The following LRRC37B variants were observed in gnomAD, a reference collection of about 807,000 sequenced individuals.
LRRC37B encodes the protein leucine rich repeat containing 37B.
Under a neutral mutation model 98.3 loss-of-function variants are expected in LRRC37B, and 28 were observed. That is an observed-to-expected ratio of 0.28 (90% CI 0.21 to 0.39). The LOEUF (loss-of-function observed/expected upper bound fraction) is 0.39. LRRC37B is among the 10% of genes least tolerant of loss of function. The pLI, the probability that LRRC37B is intolerant of heterozygous loss-of-function variation, is 1.00. For missense variants in LRRC37B, 938 were observed against 1,182.7 expected (o/e 0.79, Z 3.03); for synonymous variants, 364 against 442.7 (o/e 0.82, Z 2.23).
intron 1 of LRRC37B, among the ~76,000 whole-genome samples, chr17:32,023,896 C>T (rs895330337): frequency 1.3e-5 from 2 of 152,106 alleles, no homozygotes; most frequent in African/African-American, 4.8e-5. Flanking sequence ...AAAGATAATG[C>T]ATACCATCGG....
At chr17:32,025,052 T>TTC (rs1051711722) in intron 2 of LRRC37B, among the ~76,000 whole-genome samples, 2 of 135,886 alleles carry the variant, frequency 1.5e-5, no homozygotes, top group Non-Finnish European at 3.3e-5. Flanking sequence ...TTTTTTTTTT[T>TTC]CAGAGACAAG....
At chr17:32,030,292 AG>A (rs1490456338) in intron 3 of LRRC37B, among the ~76,000 whole-genome samples, 2 of 152,084 alleles carry the variant, frequency 1.3e-5, no homozygotes, top group Non-Finnish European at 2.9e-5. Context: ...TAAACTAGGA[AG>A]GTGTATAAAT....
intron 10 of LRRC37B, among the ~76,000 whole-genome samples, 177 bp downstream of exon 13, chr17:32,049,571 C>G (rs990608455): frequency 1.2e-4 from 19 of 152,232 alleles, no homozygotes; most frequent in Admixed American, 7.2e-4. Context: ...GATTAGGGCA[C>G]AAGATGAACT....
intron 7 of LRRC37B, among the ~76,000 whole-genome samples, chr17:32,037,551 C>T (rs1414882352): frequency 6.6e-6 from 1 of 152,062 alleles, no homozygotes; most frequent in Non-Finnish European, 1.5e-5. Flanking sequence ...CAGGCGTGAG[C>T]CACGATGCAT....
chr17:32,029,670 A>T (rs1334968171), intron 3 of LRRC37B, among the ~76,000 whole-genome samples: 1 of 152,150 alleles, frequency 6.6e-6, no homozygotes, highest in Non-Finnish European at 1.5e-5. Context: ...AAAGTATTCG[A>T]GGAATGCCAT....
intron 7 of LRRC37B, among the ~76,000 whole-genome samples, chr17:32,039,491 T>C (rs1037832720): frequency 1.2e-3 from 34 of 28,678 alleles, no homozygotes; most frequent in Non-Finnish European, 2.0e-3. Flanking sequence ...TATATATATA[T>C]ATATATATAT....
chr17:32,017,562 G>T (rs6505274), upstream of LRRC37B, among the ~76,000 whole-genome samples: 38,583 of 152,066 alleles, frequency 0.25, 6,969 homozygotes, highest in African/African-American at 0.51. Flanking sequence ...CTCAGCAATT[G>T]GGGAGGCCAA....
At chr17:32,007,533 G>C (rs1246001674), upstream of LRRC37B, among the ~76,000 whole-genome samples, 2 of 135,064 alleles carry the variant, frequency 1.5e-5, no homozygotes, top group African/African-American at 2.7e-5. The surrounding 1 kb of genome is among the most constrained non-coding windows in gnomAD (Gnocchi z 4.1). Context: ...ACCCGGCCCC[G>C]GCGCTCCCCA....
Position 32,047,757 on chromosome 17 carries a change from A to T in LRRC37B, c.2324-4A>T. On this transcript the variant is annotated splice_region_variant and splice_polypyrimidine_tract_variant and intron_variant, in intron 8 of 11. Transcript: ENST00000327564. ...GATCAAAGCAGTCTCTTCTTTTCTG[A>T]CAGCTGAAGAAGCATCTGTAGGGAA... The T allele has an allele frequency of 6.2e-7, 1 of 1,613,972 alleles. No individual in the cohort carries two copies.
chr17:32,023,789 C>G (rs1274265845), intron 1 of LRRC37B, among the ~76,000 whole-genome samples: 4 of 152,084 alleles, frequency 2.6e-5, no homozygotes, highest in Admixed American at 6.5e-5. Flanking sequence ...TGTGTCAAAC[C>G]CAGGACCAAG....
exon 1 of LRRC37B, chr17:32,022,163 C>T: frequency 5.0e-6 from 8 of 1,613,650 alleles, no homozygotes; most frequent in Non-Finnish European, 6.8e-6. Flanking sequence ...ATAATTTGCC[C>T]AAGTTTACAG....
chr17:32,042,736 A>T (rs1477591950), intron 7 of LRRC37B: 2 of 152,220 alleles, frequency 1.3e-5, no homozygotes, highest in African/African-American at 4.8e-5. Flanking sequence ...AAGGGCACAG[A>T]CACCCTGGCA....
chr17:32,041,800 A>G (rs1285969365), intron 7 of LRRC37B: 15 of 457,942 alleles, frequency 3.3e-5, no homozygotes, highest in Non-Finnish European at 6.1e-5. Flanking sequence ...CTGCTCCCCA[A>G]CTCCTCACCC....
At chr17:32,043,161 C>G (rs1454715405) in intron 7 of LRRC37B, among the ~76,000 whole-genome samples, 2 of 152,106 alleles carry the variant, frequency 1.3e-5, no homozygotes, top group Non-Finnish European at 2.9e-5. Context: ...ACTGTTGATT[C>G]CAGATGAAAG....
chr17:32,016,135 C>T (rs1435421218), upstream of LRRC37B, among the ~76,000 whole-genome samples: 1 of 152,182 alleles, frequency 6.6e-6, no homozygotes, highest in East Asian at 1.9e-4. Context: ...GAGAAGAGAA[C>T]ATCCATGTAG....
At chr17:32,012,239 A>C (rs888501509) in intron 1 of LRRC37B, among the ~76,000 whole-genome samples, 2 of 152,152 alleles carry the variant, frequency 1.3e-5, no homozygotes, top group African/African-American at 4.8e-5. Context: ...GGAGTGTTGA[A>C]GTCTACAACG....
At chr17:32,034,938 G>C in exon 6 of LRRC37B, 2 of 1,612,110 alleles carry the variant, frequency 1.2e-6, no homozygotes, top group Non-Finnish European at 1.7e-6. Flanking sequence ...TCTGACTACT[G>C]TCGAAGATCC....
chr17:32,050,344 GAAGTT>G lies in LRRC37B; in HGVS notation c.2862+243_2862+247del, dbSNP rs547394464. 1,089 of 352,892 alleles carry G rather than the reference GAAGTT, an allele frequency of 3.1e-3. 1 individual carries two copies. The highest frequency in any genetic ancestry group is 3.9e-3 in the Non-Finnish European group (740 of 189,148). The allele number at this position is 352,892 out of a possible 1,614,324, so 21.9% of individuals were successfully genotyped here. A position where few individuals can be genotyped will look rare whatever the true frequency, so the allele number is the denominator to read the frequency against. On this transcript the variant is annotated intron_variant, in intron 11 of 11. Transcript: ENST00000327564. The stretch of plus-strand genomic sequence containing the variant: ...AGTTAATCCCACTAGACTATTTTAA[GAAGTT>G]AAGTTGATATAATAGCAAAATTTCT...
chr17:32,045,056 C>G (rs955192296), intron 7 of LRRC37B, among the ~76,000 whole-genome samples: 2 of 151,924 alleles, frequency 1.3e-5, no homozygotes, highest in Non-Finnish European at 2.9e-5. Flanking sequence ...TGCAAAGTGA[C>G]ACTTTTTAAA....
Sources: allele counts gnomAD v4.1 joint callset (sites outside exome capture counted in the v4.1 genomes callset), GRCh38; gene constraint gnomAD v4.1.1; non-coding constraint Gnocchi (gnomAD v3.1); transcripts MANE v1.5; gene names NCBI Gene and HGNC (gene_info 2026-07-23, HGNC 2026-07-21).